Variants in SPAST observed in about 807,000 individuals in gnomAD.
SPAST encodes the protein spastin, also known as spastic paraplegia 4 (autosomal dominant; spastin).
SPAST carries 30 observed loss-of-function variants against 76.6 expected under a neutral mutation model. That is an observed-to-expected ratio of 0.39 (90% CI 0.29 to 0.53). SPAST has a LOEUF of 0.53. Among genes scored for constraint, SPAST ranks in the 20% least tolerant of loss-of-function variants. The pLI, the probability that SPAST is intolerant of heterozygous loss-of-function variation, is 0.68. For synonymous variants in SPAST, 305 were observed against 281.0 expected, an observed-to-expected ratio of 1.09 and a Z score of -0.86; for missense variants, 717 against 770.5, an observed-to-expected ratio of 0.93 and a Z score of 0.82.
chr2:32,099,553 A>G (rs537793290), intron 4 of SPAST, among the ~76,000 whole-genome samples: 89 of 152,264 alleles, frequency 5.8e-4, no homozygotes, highest in African/African-American at 2.0e-3. Flanking sequence ...GTTGACAGAT[A>G]ATGTACCTGT....
intron 7 of SPAST, among the ~76,000 whole-genome samples, chr2:32,124,342 T>C (rs996455247): frequency 1.3e-5 from 2 of 152,164 alleles, no homozygotes; most frequent in Non-Finnish European, 1.5e-5. Context: ...CCTATTAGAA[T>C]GGCTGAAATC....
rs1221944437 is a variant in SPAST, at chr2:32,063,876, C to T, written c.45C>T (p.Gly15=). Residue 15 remains glycine (G), a synonymous_variant, in exon 1 of 17, where the codon GGC becomes GGT. Transcript: ENST00000315285. ...GGRGKKKGSG[G]ASNPVPPRPP... Reference sequence around the variant, plus strand: ...GAGGGAAGAAGAAAGGCTCCGGCGGCGCCAGCAACCCGGTGCCTCCCAGGC... The same window carrying T: ...GAGGGAAGAAGAAAGGCTCCGGCGGTGCCAGCAACCCGGTGCCTCCCAGGC... 3 of 1,584,736 alleles carry T rather than the reference C, an allele frequency of 1.9e-6. No homozygotes were observed. Among genetic ancestry groups the T allele is most frequent in the Middle Eastern group, 2.2e-4 (1 of 4,628 alleles).
At chr2:32,114,383 C>T (rs1022785396) in intron 4 of SPAST, among the ~76,000 whole-genome samples, 1 of 152,022 alleles carries the variant, frequency 6.6e-6, no homozygotes, top group Non-Finnish European at 1.5e-5. Flanking sequence ...CCACTGCACT[C>T]CAGCCCAGGC....
At chr2:32,093,883 T>C (rs1199541995) in intron 3 of SPAST, among the ~76,000 whole-genome samples, 2 of 152,178 alleles carry the variant, frequency 1.3e-5, no homozygotes, top group Non-Finnish European at 2.9e-5. Context: ...TCTTTTCATC[T>C]ATTGCAGGTT....
intron 1 of SPAST, among the ~76,000 whole-genome samples, chr2:32,066,317 C>A (rs1243803435): frequency 2.6e-5 from 4 of 152,028 alleles, no homozygotes; most frequent in African/African-American, 9.7e-5. Context: ...ATCCAGGATC[C>A]CTTGGGGAGA....
At chr2:32,149,286 A>G (rs1311820557) in intron 16 of SPAST, among the ~76,000 whole-genome samples, 1 of 119,232 alleles carries the variant, frequency 8.4e-6, no homozygotes, top group African/African-American at 3.2e-5. Flanking sequence ...TTTAGTAGAG[A>G]TGGGGTTTCA....
intron 1 of SPAST, among the ~76,000 whole-genome samples, chr2:32,083,776 A>ATATATAT (rs1553398791): frequency 2.2e-5 from 1 of 46,088 alleles, no homozygotes; most frequent in South Asian, 9.3e-4. Flanking sequence ...ATATATATAT[A>ATATATAT]TTTTTTTTTT....
chr2:32,147,822 G>A (rs1222079452), intron 16 of SPAST, among the ~76,000 whole-genome samples: 4 of 151,156 alleles, frequency 2.6e-5, no homozygotes, highest in Non-Finnish European at 4.4e-5. Flanking sequence ...TAGTAGAGAC[G>A]GGGTTTCACC....
At chr2:32,075,549 T>TTTC (rs1159415270) in intron 1 of SPAST, among the ~76,000 whole-genome samples, 30 of 129,380 alleles carry the variant, frequency 2.3e-4, no homozygotes, top group Non-Finnish European at 2.9e-4. Context: ...GCTTTTTTCT[T>TTTC]TTTTTTTTTT....
chr2:32,094,986 T>C (rs954195740), intron 3 of SPAST, among the ~76,000 whole-genome samples: 7 of 152,252 alleles, frequency 4.6e-5, no homozygotes, highest in African/African-American at 1.4e-4. Flanking sequence ...GAAAAAAAGA[T>C]TTTTAGGAAA....
intron 3 of SPAST, among the ~76,000 whole-genome samples, chr2:32,094,605 G>T (rs1315862988): frequency 2.0e-5 from 3 of 152,184 alleles, no homozygotes; most frequent in East Asian, 1.9e-4. Flanking sequence ...GTCACAACAC[G>T]CAGGGCTGTA....
At chr2:32,143,549 A>G (rs1679791210) in intron 14 of SPAST, 134 bp downstream of exon 14, 1 of 652,778 alleles carries the variant, frequency 1.5e-6, no homozygotes. Context: ...CTCATCCTCT[A>G]CCTCCTTTGC....
intron 1 of SPAST, among the ~76,000 whole-genome samples, chr2:32,066,938 C>CACTCCGA (rs1261705720): frequency 2.5e-5 from 3 of 118,614 alleles, no homozygotes; most frequent in Non-Finnish European, 4.8e-5. Flanking sequence ...CGTGCAACTG[C>CACTCCGA]ACTCCGAACT....
At chr2:32,124,167 T>A (rs1328363828) in intron 7 of SPAST, among the ~76,000 whole-genome samples, 1 of 152,018 alleles carries the variant, frequency 6.6e-6, no homozygotes, top group Non-Finnish European at 1.5e-5. Flanking sequence ...CTTTTAAAAC[T>A]CAACAATAAG....
chr2:32,087,373 G>T, intron 1 of SPAST, 119 bp from the exon 2 acceptor site: 1 of 593,034 alleles, frequency 1.7e-6, no homozygotes, highest in Non-Finnish European at 3.1e-6. Context: ...AAGTTATATA[G>T]TAATGTTTCT....
intron 1 of SPAST, among the ~76,000 whole-genome samples, chr2:32,085,444 T>C: frequency 6.6e-6 from 1 of 152,124 alleles, no homozygotes; most frequent in East Asian, 1.9e-4. Flanking sequence ...CTTGAGCTCC[T>C]GGGCTCAAGC....
intron 13 of SPAST, among the ~76,000 whole-genome samples, chr2:32,142,623 C>T (rs776491573): frequency 1.9e-4 from 29 of 151,978 alleles, no homozygotes; most frequent in Non-Finnish European, 3.4e-4. Flanking sequence ...CTGTGTTAGC[C>T]AGGATGGTGT....
rs1304986567 is a variant in SPAST, at chr2:32,063,933, C to T, written c.102C>T (p.Pro34=). The T allele has an allele frequency of 7.5e-6, 12 of 1,602,218 alleles. No homozygotes were observed. The highest frequency in any genetic ancestry group is 6.8e-6 in the Non-Finnish European group (8 of 1,174,770). ...CCCCTTGCCTGGCCCCCGCCCCTCC[C>T]GCCGCCGGGCCGGCCCCTCCGCCCG... The part of the protein sequence containing the change: ...PPPPCLAPAP[P]AAGPAPPPES... Residue 34 remains proline, a synonymous_variant, in exon 1 of 17, where the codon CCC becomes CCT. Transcript: ENST00000315285.
chr2:32,118,076 A>C (rs1678902091), intron 7 of SPAST, among the ~76,000 whole-genome samples: 1 of 152,204 alleles, frequency 6.6e-6, no homozygotes, highest in Admixed American at 6.6e-5. Flanking sequence ...AATAAATCTG[A>C]AGACTCACTT....
Sources: allele counts gnomAD v4.1 joint callset (sites outside exome capture counted in the v4.1 genomes callset), GRCh38; gene constraint gnomAD v4.1.1; transcripts MANE v1.5; gene names NCBI Gene and HGNC (gene_info 2026-07-23, HGNC 2026-07-21).